GRIP2: variants seen among roughly 807,000 people sequenced by gnomAD.
GRIP2 encodes the protein glutamate receptor interacting protein 2, also known as glutamate receptor-interacting protein 2.
A neutral mutation model predicts 108.3 loss-of-function variants in GRIP2; 58 were observed. The observed-to-expected ratio is 0.54, with a 90% CI of 0.43 to 0.67. The LOEUF (loss-of-function observed/expected upper bound fraction) is 0.67, where lower values mean the gene tolerates loss of function less well. GRIP2 is among the 30% of genes least tolerant of loss of function. GRIP2 has a pLI of 0.00. For missense variants in GRIP2, 1,278 were observed against 1,430.6 expected (o/e 0.89, Z 1.72); for synonymous variants, 586 against 598.2 (o/e 0.98, Z 0.30).
chr3:14,578,514 C>G, the GRIP2 span, among the ~76,000 whole-genome samples: 1 of 152,052 alleles, frequency 6.6e-6, no homozygotes, highest in African/African-American at 2.4e-5. Context: ...GTCAGGAGCT[C>G]AAGACCAGCC....
upstream of GRIP2, among the ~76,000 whole-genome samples, chr3:14,559,239 C>A (rs59754778): frequency 0.022 from 3,273 of 152,186 alleles, 96 homozygotes; most frequent in African/African-American, 0.074. Context: ...GCTCCTCACA[C>A]ACATTCATTA....
rs1444077993 is a variant in GRIP2, at chr3:14,517,891, A to G, written c.1037T>C (p.Val346Ala). 1 of 1,566,340 alleles carries G rather than the reference A, an allele frequency of 6.4e-7. No individual in the cohort carries two copies. Among genetic ancestry groups the G allele is most frequent in the Admixed American group, 1.9e-5 (1 of 53,542 alleles). Residue 346 changes from valine (V) to alanine (A), a missense_variant, in exon 10 of 24, where the codon GTG becomes GCG. By Grantham distance (64) the Val-to-Ala change is moderately conservative. Coordinates refer to ENST00000621039, the MANE Select transcript of GRIP2 (RefSeq NM_001080423.4). ...RPLRPSEAVK[V>A]QRSEQLHRWD... ...GCGGTGCAGCTGCTCACTCCTCTGC[A>G]CTTTCACTGTAGCCAGCGGAGAAAG...
At chr3:14,496,178 T>TG (rs1375866176) in intron 22 of GRIP2, among the ~76,000 whole-genome samples, 1 of 151,752 alleles carries the variant, frequency 6.6e-6, no homozygotes, top group Non-Finnish European at 1.5e-5. Flanking sequence ...ATAACTTAAG[T>TG]GGGGGGAAAA....
chr3:14,595,731 C>G, the GRIP2 span, among the ~76,000 whole-genome samples: 1 of 152,228 alleles, frequency 6.6e-6, no homozygotes, highest in Non-Finnish European at 1.5e-5. Context: ...TGCCTGGCTC[C>G]GCAGGTTGCC....
chr3:14,572,585 C>T, the GRIP2 span, among the ~76,000 whole-genome samples: 2 of 104,888 alleles, frequency 1.9e-5, no homozygotes, highest in Non-Finnish European at 3.4e-5. Context: ...GCACTCCAGC[C>T]TGGGTGACAG....
upstream of GRIP2, chr3:14,542,151 TTA>T: frequency 1.0e-6 from 1 of 996,980 alleles, no homozygotes; most frequent in South Asian, 1.6e-5. Flanking sequence ...TTTTTATTTT[TTA>T]TTTTTTTTAT....
intron 23 of GRIP2, among the ~76,000 whole-genome samples, chr3:14,494,275 C>T (rs1308021090): frequency 6.6e-6 from 1 of 152,180 alleles, no homozygotes; most frequent in Non-Finnish European, 1.5e-5. Context: ...GAAAAAGTGC[C>T]ATCAATTTAG....
chr3:14,510,716 G>C (rs1202388613), intron 16 of GRIP2, among the ~76,000 whole-genome samples: 1 of 152,172 alleles, frequency 6.6e-6, no homozygotes, highest in African/African-American at 2.4e-5. Flanking sequence ...CGTCCCTTTT[G>C]CCTCTCCAAT....
rs748266170 is a variant in GRIP2, at chr3:14,513,713, C to T, written c.1591G>A (p.Ala531Thr). 2.2e-5 allele frequency: 36 copies of T among 1,610,404 alleles called. 1 individual carries two copies. Among genetic ancestry groups the T allele is most frequent in the East Asian group, 6.7e-5 (3 of 44,758 alleles). Residue 531 changes from alanine to threonine, a missense_variant, in exon 13 of 24, where the codon GCC becomes ACC. Coordinates refer to ENST00000621039, the MANE Select transcript of GRIP2 (RefSeq NM_001080423.4). ...AGCACGACCTTGTGGGCCAGTGCGG[C>T]GTCCCGCAGGAGCTGGTTGGCTTCC... is the stretch of plus-strand genomic sequence containing the variant. ...MEEANQLLRD[A>T]ALAHKVVLEV...
chr3:14,525,649 C>A (rs535793572), intron 2 of GRIP2, 77 bp from the exon 3 acceptor site: 24 of 1,561,904 alleles, frequency 1.5e-5, no homozygotes, highest in Non-Finnish European at 2.1e-5. Context: ...ATAAGCGAGG[C>A]GAGCACCTGG....
At position 14,517,534 on chromosome 3, in the gene GRIP2, C is replaced by T. The variant is rs567179189; in HGVS notation, c.1156+238G>A. Among the ~76,000 whole-genome samples, 35 of 127,108 alleles carry T rather than the reference C, an allele frequency of 2.8e-4. No homozygotes were observed. The South Asian group carries it at 8.4e-3, about 30-fold the overall frequency. 83.4% of individuals were successfully genotyped at this position (127,108 alleles called of 152,430 possible). A position where few individuals can be genotyped will look rare whatever the true frequency, so the allele number is the denominator to read the frequency against. On this transcript the variant is annotated intron_variant, in intron 10 of 23. Transcript: ENST00000621039. The stretch of plus-strand genomic sequence containing the variant: ...TTTTTTTTTTTTAGTTGAGGTCTCG[C>T]TCTGTCACCCAGGCTGAAGTGCGGC...
Position 14,496,446 on chromosome 3 carries a change from A to G in GRIP2, c.2794T>C (p.Leu932=). 1 of 1,612,764 alleles carries G rather than the reference A, an allele frequency of 6.2e-7. No individual in the cohort carries two copies. Among genetic ancestry groups the G allele is most frequent in the Non-Finnish European group, 8.5e-7 (1 of 1,179,368 alleles). Residue 932 remains leucine (L), a synonymous_variant, in exon 22 of 24, where the codon TTG becomes CTG. Coordinates refer to ENST00000621039, the MANE Select transcript of GRIP2 (RefSeq NM_001080423.4). The part of the protein sequence containing the change: ...RASPAEMEEL[L]LPTPLEMHKV... ...TGCATCTCCAAGGGTGTAGGCAGCA[A>G]CAGCTCCTCCATTTCTGCAGGAGAG...
chr3:14,580,601 G>A, the GRIP2 span, among the ~76,000 whole-genome samples: 1 of 152,180 alleles, frequency 6.6e-6, no homozygotes, highest in Non-Finnish European at 1.5e-5. Flanking sequence ...ACTGAGGCAG[G>A]AGGATCACTT....
chr3:14,538,245 G>C (rs931897680), intron 1 of GRIP2, among the ~76,000 whole-genome samples: 1 of 152,186 alleles, frequency 6.6e-6, no homozygotes, highest in African/African-American at 2.4e-5. Context: ...GTATATGGCT[G>C]TCCTTACCAG....
rs1408468261 is a variant in GRIP2, at chr3:14,506,866, G to A, written c.2333C>T (p.Pro778Leu). 4 of 1,606,938 alleles carry A rather than the reference G, an allele frequency of 2.5e-6. No homozygotes were observed. Among genetic ancestry groups the A allele is most frequent in the Non-Finnish European group, 3.4e-6 (4 of 1,176,882 alleles). ...LPAARFSPAVPSVDSAVESWD... is the reference protein window; with the variant it reads ...LPAARFSPAVLSVDSAVESWD... ...AGACTCCACAGCACTGTCCACACTG[G>A]GCACAGCCGGCGAGAAGCGGGCTGC... The change falls in exon 19 of 24, where the codon CCC becomes CTC. Residue 778 changes from proline to leucine, a missense_variant. Coordinates refer to ENST00000621039, the MANE Select transcript of GRIP2 (RefSeq NM_001080423.4).
intron 1 of GRIP2, among the ~76,000 whole-genome samples, chr3:14,553,022 C>T (rs544520906): frequency 2.6e-5 from 4 of 152,270 alleles, no homozygotes; most frequent in South Asian, 2.1e-4. Flanking sequence ...CCCTGCCTCC[C>T]TCCTCTCCCC....
chr3:14,575,603 AG>A, the GRIP2 span, among the ~76,000 whole-genome samples: 11 of 152,262 alleles, frequency 7.2e-5, no homozygotes, highest in South Asian at 2.1e-3. Context: ...GGGCTTATAG[AG>A]GGACTCTGGA....
At chr3:14,558,088 T>G (rs1226657294), upstream of GRIP2, among the ~76,000 whole-genome samples, 4 of 152,230 alleles carry the variant, frequency 2.6e-5, no homozygotes, top group Non-Finnish European at 4.4e-5. Context: ...GTCAGGAATC[T>G]GATGCGTTCC....
chr3:14,573,507 T>C, the GRIP2 span: 1 of 1,543,102 alleles, frequency 6.5e-7, no homozygotes, highest in South Asian at 1.1e-5. Context: ...CCCACACACA[T>C]CATCCATGCA....
Sources: allele counts gnomAD v4.1 joint callset (sites outside exome capture counted in the v4.1 genomes callset), GRCh38; gene constraint gnomAD v4.1.1; transcripts MANE v1.5; gene names NCBI Gene and HGNC (gene_info 2026-07-23, HGNC 2026-07-21).